Variants in ITPR1 observed in about 807,000 individuals in gnomAD.
ITPR1 encodes the protein inositol 1,4,5-trisphosphate-gated calcium channel ITPR1.
In ITPR1, 96 loss-of-function variants were observed where a neutral mutation model predicts 318.4. That is an observed-to-expected ratio of 0.30 (90% CI 0.26 to 0.36). The LOEUF (loss-of-function observed/expected upper bound fraction) is 0.36, where lower values mean the gene tolerates loss of function less well. Ranked by LOEUF, ITPR1 falls within the 10% of genes least tolerant of loss-of-function variation. The probability of loss-of-function intolerance (pLI) is 1.00; values close to 1 mark genes in which losing one functional copy is unlikely to be tolerated. For synonymous variants in ITPR1, 1,312 were observed against 1,289.9 expected, an observed-to-expected ratio of 1.02 and a Z score of -0.37; for missense variants, 2,440 against 3,460.2, an observed-to-expected ratio of 0.71 and a Z score of 7.40.
intron 4 of ITPR1, among the ~76,000 whole-genome samples, chr3:4,579,866 A>C (rs1428583637): frequency 6.6e-6 from 1 of 152,084 alleles, no homozygotes; most frequent in Non-Finnish European, 1.5e-5. Context: ...TTATATCTGT[A>C]TTGCACAATT....
chr3:4,836,499 G>T (rs566428204), intron 60 of ITPR1, among the ~76,000 whole-genome samples: 10 of 152,284 alleles, frequency 6.6e-5, no homozygotes, highest in Non-Finnish European at 1.0e-4. Flanking sequence ...GCAGTATTCA[G>T]ATTTGGAGAT....
chr3:4,795,147 G>A lies in ITPR1; in HGVS notation c.6891G>A (p.Leu2297=), dbSNP rs1367370560. The A allele has an allele frequency of 1.9e-6, 3 of 1,613,832 alleles. No homozygotes were observed. The highest frequency in any genetic ancestry group is 2.5e-6 in the Non-Finnish European group (3 of 1,179,838). The part of the protein sequence containing the change: ...ISFNLAVLMN[L]LVAFFYPFKG... ...TTAACCTGGCCGTCCTGATGAACCTGCTGGTGGCGTTTTTCTACCCGTTTA... is the reference window on the plus strand; with the variant it reads ...TTAACCTGGCCGTCCTGATGAACCTACTGGTGGCGTTTTTCTACCCGTTTA... Residue 2297 remains leucine, a synonymous_variant, in exon 53 of 62, where the codon CTG becomes CTA. Transcript: ENST00000649015.
rs569991956 is a variant in ITPR1 at position 4,830,300 on chromosome 3, T to C, written c.8029-6474T>C. Among the ~76,000 whole-genome samples, 13 of 152,206 alleles carry C rather than the reference T, an allele frequency of 8.5e-5. No homozygotes were observed. In the South Asian group the frequency reaches 2.7e-3, roughly 32 times the overall value. Reference sequence around the variant, plus strand: ...CTATAATAGATATTATTAAGTGGCATTTCAGAGCTACTGAACATAAAGATG... The same window carrying C: ...CTATAATAGATATTATTAAGTGGCACTTCAGAGCTACTGAACATAAAGATG... On this transcript the variant is annotated intron_variant, in intron 60 of 61. Coordinates refer to ENST00000649015, the MANE Select transcript of ITPR1 (RefSeq NM_001378452.1).
chr3:4,767,576 T>C (rs1171413363), intron 45 of ITPR1, among the ~76,000 whole-genome samples: 1 of 152,264 alleles, frequency 6.6e-6, no homozygotes, highest in Non-Finnish European at 1.5e-5. Flanking sequence ...TAGAGTGCAG[T>C]GGCACGATCA....
At chr3:4,777,143 C>A in intron 47 of ITPR1, 121 bp from the exon 48 acceptor site, 1 of 608,274 alleles carries the variant, frequency 1.6e-6, no homozygotes, top group Non-Finnish European at 2.9e-6. Flanking sequence ...TTGCAGCTCT[C>A]CCCTAGAGAC....
chr3:4,616,893 A>G (rs920206681), intron 4 of ITPR1, among the ~76,000 whole-genome samples: 1 of 152,078 alleles, frequency 6.6e-6, no homozygotes, highest in African/African-American at 2.4e-5. Flanking sequence ...TTGTGATTTC[A>G]TTATCACTGA....
chr3:4,569,015 A>T (rs1375381191), intron 4 of ITPR1, among the ~76,000 whole-genome samples: 1 of 152,090 alleles, frequency 6.6e-6, no homozygotes, highest in Non-Finnish European at 1.5e-5. Context: ...CTCTTAAACG[A>T]CCAGATCTCT....
At chr3:4,703,059 C>A in intron 36 of ITPR1, 109 bp downstream of exon 36, 1 of 1,235,440 alleles carries the variant, frequency 8.1e-7, no homozygotes, top group Non-Finnish European at 1.1e-6. Context: ...GTTACACAGA[C>A]AGGAAGTTTC....
chr3:4,549,516 C>A (rs1392891879), intron 4 of ITPR1, among the ~76,000 whole-genome samples: 1 of 137,326 alleles, frequency 7.3e-6, no homozygotes, highest in Middle Eastern at 3.9e-3. Context: ...TTCCCTTCCT[C>A]CCTTCCTTCC....
chr3:4,672,704 A>G (rs1248085587), intron 20 of ITPR1, among the ~76,000 whole-genome samples: 1 of 152,212 alleles, frequency 6.6e-6, no homozygotes, highest in Non-Finnish European at 1.5e-5. Context: ...AAATGTTATA[A>G]AATTTCTAAT....
chr3:4,550,383 A>G (rs1204532628), intron 4 of ITPR1, among the ~76,000 whole-genome samples: 2 of 152,360 alleles, frequency 1.3e-5, no homozygotes, highest in Middle Eastern at 3.4e-3. Flanking sequence ...ACGCGCTGCC[A>G]TCTACCTAAC....
chr3:4,826,517 G>A lies in ITPR1; in HGVS notation c.8028+8275G>A, dbSNP rs548805928. On this transcript the variant is annotated intron_variant, in intron 60 of 61. Transcript: ENST00000649015. The surrounding 1 kb of genome is among the most constrained non-coding windows in gnomAD (Gnocchi z 4.2). ...TGGCTTCCCGGTGGCTGGAAACAGT[G>A]TGTCAGCGTCACTGGACTCGCCGCC... Among the ~76,000 whole-genome samples the A allele has an allele frequency of 7.2e-5, 11 of 152,278 alleles. No homozygotes were observed. Among genetic ancestry groups the A allele is most frequent in the African/African-American group, 2.6e-4 (11 of 41,542 alleles).
At position 4,721,954 on chromosome 3, in the gene ITPR1, T is replaced by C. The variant is rs368365270; in HGVS notation, c.5137-3592T>C. Among the ~76,000 whole-genome samples, 6 of 152,328 alleles carry C rather than the reference T, an allele frequency of 3.9e-5. No homozygotes were observed. In the East Asian group the frequency reaches 9.6e-4, roughly 24 times the overall value. ...TAAGAATGATAAAGTATAATTTCTT[T>C]CATTTGTAGTAGAAATTTGTCCCTT... On this transcript the variant is annotated intron_variant, in intron 40 of 61. Coordinates refer to ENST00000649015, the MANE Select transcript of ITPR1 (RefSeq NM_001378452.1).
chr3:4,562,614 G>A (rs2086794003), intron 4 of ITPR1, among the ~76,000 whole-genome samples: 1 of 151,950 alleles, frequency 6.6e-6, no homozygotes, highest in Admixed American at 6.5e-5. Context: ...AACCCTGTAT[G>A]TTGAGATTTT....
intron 44 of ITPR1, among the ~76,000 whole-genome samples, chr3:4,740,746 A>T (rs2125329022): frequency 6.6e-6 from 1 of 152,282 alleles, no homozygotes; most frequent in East Asian, 1.9e-4. Flanking sequence ...CTGCCATCAG[A>T]GCAGGCTTCA....
chr3:4,718,722 T>A (rs1183346078), intron 40 of ITPR1, among the ~76,000 whole-genome samples: 1 of 152,214 alleles, frequency 6.6e-6, no homozygotes. Flanking sequence ...CCATGCCTTC[T>A]GGGAAGACTA....
At chr3:4,683,860 A>T in intron 28 of ITPR1, 62 bp downstream of exon 28, 3 of 1,445,698 alleles carry the variant, frequency 2.1e-6, no homozygotes, top group Non-Finnish European at 2.9e-6. Context: ...ACTAGGGAGC[A>T]TCCTCTTCTG....
chr3:4,555,572 C>G (rs1395623475), intron 4 of ITPR1, among the ~76,000 whole-genome samples: 1 of 152,066 alleles, frequency 6.6e-6, no homozygotes, highest in East Asian at 1.9e-4. Context: ...TTACTCAGTG[C>G]TAAAAATAAG....
intron 4 of ITPR1, among the ~76,000 whole-genome samples, chr3:4,591,870 G>A (rs2090425619): frequency 6.6e-6 from 1 of 152,096 alleles, no homozygotes; most frequent in African/African-American, 2.4e-5. Flanking sequence ...TTCATTTGGA[G>A]CAGTGTCAGT....
Sources: allele counts gnomAD v4.1 joint callset (sites outside exome capture counted in the v4.1 genomes callset), GRCh38; gene constraint gnomAD v4.1.1; non-coding constraint Gnocchi (gnomAD v3.1); transcripts MANE v1.5; gene names NCBI Gene and HGNC (gene_info 2026-07-23, HGNC 2026-07-21).